Variants in SNED1 observed in about 807,000 individuals in gnomAD.
SNED1 encodes the protein sushi, nidogen and EGF like domains 1.
In SNED1, 81 loss-of-function variants were observed where a neutral mutation model predicts 166.7. The ratio of observed to expected loss-of-function variants is 0.49; its 90% CI spans 0.41 to 0.58. The LOEUF (loss-of-function observed/expected upper bound fraction) is 0.58. Among genes scored for constraint, SNED1 ranks in the 20% least tolerant of loss-of-function variants. SNED1 has a pLI of 0.00. For synonymous variants in SNED1, 762 were observed against 822.0 expected (o/e 0.93, Z 1.25); for missense variants, 1,604 against 2,000.2 (o/e 0.80, Z 3.78).
intron 29 of SNED1, among the ~76,000 whole-genome samples, chr2:241,085,860 CTTTTTTTTTT>C (rs772995766): frequency 1.3e-5 from 1 of 79,190 alleles, no homozygotes; most frequent in Non-Finnish European, 2.4e-5. Context: ...TCTGCGGTTT[CTTTTTTTTTT>C]TTTTTTTTTT....
Position 241,065,552 on chromosome 2 carries a change from C to G in SNED1, c.2967C>G (p.Asn989Lys), listed in dbSNP as rs762763341. 9.9e-6 allele frequency: 16 copies of G among 1,612,798 alleles called. No individual in the cohort carries two copies. The highest frequency in any genetic ancestry group is 4.5e-5 in the East Asian group (2 of 44,866). The change falls in exon 21 of 32, where the codon AAC (asparagine) becomes AAG (lysine). Residue 989 changes from asparagine to lysine, a missense_variant. This residue lies in a region of SNED1 where 1,237 missense variants were observed against 1,620.8 expected (regional missense o/e 0.76). Transcript: ENST00000310397. ...TCTCAGTGAAGCGAAACAGTAACAA[C>G]AAGAATGACATCAGCAGGCCTGCCG... ...SVFSVKRNSNNKNDISRPAVL... is the reference protein window; with the variant it reads ...SVFSVKRNSNKKNDISRPAVL...
At position 241,063,671 on chromosome 2, in the gene SNED1, C is replaced by G; in HGVS notation, c.2456C>G (p.Ala819Gly). 6.2e-7 allele frequency: 1 copy of G among 1,611,450 alleles called. No homozygotes were observed. The highest frequency in any genetic ancestry group is 1.7e-4 in the Middle Eastern group (1 of 6,046). Reference protein sequence around the residue: ...LPGAYVCRCPAGFVGVHCETE... With the variant: ...LPGAYVCRCPGGFVGVHCETE... ...GGGGCCTATGTCTGCCGGTGCCCTGCAGGCTTCGTTGGAGTCCACTGTGAG... is the reference window on the plus strand; with the variant it reads ...GGGGCCTATGTCTGCCGGTGCCCTGGAGGCTTCGTTGGAGTCCACTGTGAG... Residue 819 changes from alanine to glycine, a missense_variant, in exon 18 of 32, where the codon GCA (alanine) becomes GGA (glycine). Physicochemically the swap from Ala to Gly is moderately conservative, Grantham distance 60. Around this residue, in one of 2 missense-constraint regions of SNED1, gnomAD observed 1,237 missense variants for 1,620.8 expected, o/e 0.76. Coordinates refer to ENST00000310397, the MANE Select transcript of SNED1 (RefSeq NM_001080437.3).
At chr2:241,074,062 C>T (rs1322526885) in intron 27 of SNED1, 1 of 152,380 alleles carries the variant, frequency 6.6e-6, no homozygotes, top group Non-Finnish European at 1.5e-5. Context: ...TCTCCTAGCA[C>T]CCGGTGACCT....
chr2:241,073,699 G>C lies in SNED1; in HGVS notation c.3916+335G>C. 2.2e-6 allele frequency: 1 copy of C among 460,904 alleles called. No homozygotes were observed. The highest frequency in any genetic ancestry group is 3.8e-6 in the Non-Finnish European group (1 of 260,312). The allele number at this position is 460,904 out of a possible 1,614,324, so 28.6% of individuals were successfully genotyped here. On this transcript the variant is annotated intron_variant, in intron 27 of 31. Transcript: ENST00000310397. This position sits in a 1 kb window ranked among gnomAD's most constrained non-coding sequence, Gnocchi z 6.6. Reference sequence around the variant, plus strand: ...GAGCCCACCCCAGCCCCTGCCTCTGGGCCCCTCACCCCTCACTTCTCCAAA... The same window carrying C: ...GAGCCCACCCCAGCCCCTGCCTCTGCGCCCCTCACCCCTCACTTCTCCAAA...
Position 241,069,046 on chromosome 2 carries a change from C to T in SNED1, c.3307+23C>T, listed in dbSNP as rs548980870. ...CCCGTGAGTAGAGCAGCGCGGCCCCCGGCACACGAAAGGCCGTCTTCTAGA... is the reference window on the plus strand; with the variant it reads ...CCCGTGAGTAGAGCAGCGCGGCCCCTGGCACACGAAAGGCCGTCTTCTAGA... On this transcript the variant is annotated intron_variant, in intron 23 of 31. Transcript: ENST00000310397. The surrounding 1 kb of genome is among the most constrained non-coding windows in gnomAD (Gnocchi z 4.9). The T allele has an allele frequency of 2.4e-5, 36 of 1,497,542 alleles. No homozygotes were observed. The African/African-American group carries it at 3.5e-4, about 14-fold the overall frequency. The allele number at this position is 1,497,542 out of a possible 1,614,324, so 92.8% of individuals were successfully genotyped here.
rs138011393 is a variant in SNED1 at position 241,052,828 on chromosome 2, G to A, written c.2084-325G>A. ...GGGGCCCAAGCAGGGTACATGGGAT[G>A]CCGGTGTCAGGCAGGTGAGATGGCC... On this transcript the variant is annotated intron_variant, in intron 15 of 31. Transcript: ENST00000310397. Among the ~76,000 whole-genome samples, 1,049 of 112,722 alleles carry A rather than the reference G, an allele frequency of 9.3e-3. 22 individuals are homozygous for A. The highest frequency in any genetic ancestry group is 0.027 in the East Asian group (55 of 2,056). 74.0% of individuals were successfully genotyped at this position (112,722 alleles called of 152,430 possible). A position where few individuals can be genotyped will look rare whatever the true frequency, so the allele number is the denominator to read the frequency against.
At chr2:241,081,642 T>C in intron 27 of SNED1, 35 bp from the exon 28 acceptor site, 5 of 1,480,980 alleles carry the variant, frequency 3.4e-6, no homozygotes, top group South Asian at 1.2e-5. Flanking sequence ...GTCCTGGGGT[T>C]CCAGTGACTA....
intron 1 of SNED1, among the ~76,000 whole-genome samples, chr2:241,001,103 T>C (rs1394307195): frequency 3.3e-5 from 5 of 152,220 alleles, no homozygotes; most frequent in South Asian, 2.1e-4. Context: ...CTCCAGTCTA[T>C]AGGGGCCTCG....
At chr2:241,037,835 G>T (rs960089250) in intron 6 of SNED1, among the ~76,000 whole-genome samples, 1 of 152,214 alleles carries the variant, frequency 6.6e-6, no homozygotes, top group African/African-American at 2.4e-5. Flanking sequence ...GCTCCTGGAC[G>T]CTGTTTCTCT....
chr2:241,053,062 G>T, intron 15 of SNED1, 91 bp from the exon 16 acceptor site: 2 of 1,241,940 alleles, frequency 1.6e-6, no homozygotes, highest in South Asian at 2.8e-5. Flanking sequence ...GGACATCCCT[G>T]GGCCCTGCAG....
intron 29 of SNED1, among the ~76,000 whole-genome samples, chr2:241,084,120 T>G (rs1002587189): frequency 6.7e-6 from 1 of 149,184 alleles, no homozygotes; most frequent in Non-Finnish European, 1.5e-5. Flanking sequence ...TTCAATATGA[T>G]GGCAGCGTCT....
chr2:241,049,851 C>T lies in SNED1; in HGVS notation c.1653C>T (p.Phe551=), dbSNP rs916249208. The T allele has an allele frequency of 1.2e-6, 2 of 1,613,752 alleles. No homozygotes were observed. Among genetic ancestry groups the T allele is most frequent in the African/African-American group, 2.7e-5 (2 of 74,938 alleles). The change falls in exon 12 of 32, where the codon TTC becomes TTT. Residue 551 remains phenylalanine (F), a synonymous_variant. Coordinates refer to ENST00000310397, the MANE Select transcript of SNED1 (RefSeq NM_001080437.3). ...LPSPCDSDPC[F]NGGSCDAHDD... ...CACCCTGCGACTCGGACCCCTGCTT[C>T]AACGGAGGCTCCTGCGATGCCCATG...
chr2:241,024,641 C>G (rs937559652), intron 1 of SNED1, among the ~76,000 whole-genome samples: 2 of 63,992 alleles, frequency 3.1e-5, no homozygotes, highest in Non-Finnish European at 5.9e-5. Context: ...TTTAATCATG[C>G]CTTATTTTAT....
chr2:241,053,245 C>T lies in SNED1; in HGVS notation c.2176C>T (p.Arg726Cys), dbSNP rs373768777. Residue 726 changes from arginine to cysteine, a missense_variant, in exon 16 of 32, where the codon CGT (arginine) becomes TGT (cysteine). By Grantham distance (180) the Arg-to-Cys change is radical. Around this residue, in one of 2 missense-constraint regions of SNED1, gnomAD observed 1,237 missense variants for 1,620.8 expected, o/e 0.76. Coordinates refer to ENST00000310397, the MANE Select transcript of SNED1 (RefSeq NM_001080437.3). The stretch of plus-strand genomic sequence containing the variant: ...CGCGGTGGCCCTGTATGCATGTGAC[C>T]GTGGCTACAGCCTGAGCGCCCCCAG... ...LGAVALYACD[R>C]GYSLSAPSRI... 7 of 1,608,056 alleles carry T rather than the reference C, an allele frequency of 4.4e-6. No homozygotes were observed. Among genetic ancestry groups the T allele is most frequent in the African/African-American group, 1.3e-5 (1 of 74,986 alleles).
rs907693723 is a variant in SNED1, at chr2:241,018,143, C to T, written c.214-12141C>T. On this transcript the variant is annotated intron_variant, in intron 1 of 31. Transcript: ENST00000310397. This position sits in a 1 kb window ranked among gnomAD's most constrained non-coding sequence, Gnocchi z 5.4. ...GTCTGAGAACCGCCATTCGCCTTGCCGTGGTCCCTGCTGTGCTGATTTGGT... is the reference window on the plus strand; with the variant it reads ...GTCTGAGAACCGCCATTCGCCTTGCTGTGGTCCCTGCTGTGCTGATTTGGT... Among the ~76,000 whole-genome samples, 10 of 152,220 alleles carry T rather than the reference C, an allele frequency of 6.6e-5. No homozygotes were observed. The South Asian group carries it at 8.3e-4, about 13-fold the overall frequency.
intron 27 of SNED1, among the ~76,000 whole-genome samples, chr2:241,079,898 C>T (rs895285335): frequency 3.9e-5 from 6 of 152,104 alleles, no homozygotes; most frequent in African/African-American, 1.4e-4. Context: ...GAAATGATTG[C>T]ATGTATATGG....
At chr2:241,041,659 T>C (rs975338734) in intron 8 of SNED1, among the ~76,000 whole-genome samples, 3 of 151,872 alleles carry the variant, frequency 2.0e-5, no homozygotes, top group Non-Finnish European at 4.4e-5. Flanking sequence ...CACTCCACCC[T>C]GGGTAACAGA....
At chr2:241,050,793 C>T (rs1225971915) in intron 12 of SNED1, among the ~76,000 whole-genome samples, 2 of 152,118 alleles carry the variant, frequency 1.3e-5, no homozygotes, top group Non-Finnish European at 2.9e-5. Flanking sequence ...TACTCCAGCT[C>T]ACACCTGCCA....
At chr2:241,031,693 C>T (rs967645757) in intron 2 of SNED1, among the ~76,000 whole-genome samples, 1 of 152,264 alleles carries the variant, frequency 6.6e-6, no homozygotes. Flanking sequence ...CTCTAGTCCG[C>T]CCTGTCCCCT....
Sources: allele counts gnomAD v4.1 joint callset (sites outside exome capture counted in the v4.1 genomes callset), GRCh38; gene constraint gnomAD v4.1.1; regional missense constraint gnomAD v4.1.1; non-coding constraint Gnocchi (gnomAD v3.1); transcripts MANE v1.5; gene names NCBI Gene and HGNC (gene_info 2026-07-23, HGNC 2026-07-21).